Variants in TRAP1 observed in about 807,000 individuals in gnomAD.
TRAP1 encodes the protein TNF receptor associated protein 1.
TRAP1 carries 102 observed loss-of-function variants against 89.1 expected under a neutral mutation model. The ratio of observed to expected loss-of-function variants is 1.15; its 90% confidence interval spans 0.98 to 1.35. The LOEUF is 1.35. Among genes scored for constraint, TRAP1 ranks in the 40% most tolerant of loss-of-function variants. TRAP1 has a pLI of 0.00. For synonymous variants in TRAP1, 508 were observed against 388.0 expected (o/e 1.31, Z -3.64); for missense variants, 1,256 against 945.3 (o/e 1.33, Z -4.31).
chr16:3,669,975 A>T (rs1208775942), intron 11 of TRAP1, among the ~76,000 whole-genome samples: 1 of 152,132 alleles, frequency 6.6e-6, no homozygotes, highest in Non-Finnish European at 1.5e-5. Flanking sequence ...CATCCCTGTG[A>T]TGTCCCATGA....
chr16:3,662,717 G>A (rs183621956), intron 15 of TRAP1, 165 bp downstream of exon 15: 22 of 718,606 alleles, frequency 3.1e-5, no homozygotes, highest in African/African-American at 1.6e-4. Flanking sequence ...CGGCACTCCC[G>A]AGCAACACGT....
Position 3,690,967 on chromosome 16 carries a change from G to C in TRAP1, c.107C>G (p.Pro36Arg), listed in dbSNP as rs755746414. Residue 36 changes from proline to arginine, a missense_variant, in exon 2 of 18, where the codon CCT becomes CGT. Transcript: ENST00000246957. ...AVPGGKPILC[P>R]RRTTAQLGPR... is the part of the protein sequence containing the mutation. The stretch of plus-strand genomic sequence containing the variant: ...GCCCAACTGGGCTGTGGTCCTCCGA[G>C]GACACAGAATTGGTTTTCCTGAAAA... The C allele has an allele frequency of 1.3e-6, 2 of 1,533,882 alleles. No individual in the cohort carries two copies. The highest frequency in any genetic ancestry group is 2.3e-5 in the Admixed American group (1 of 44,260).
chr16:3,676,569 G>C (rs1463468694), intron 6 of TRAP1: 1 of 156,566 alleles, frequency 6.4e-6, no homozygotes, highest in Non-Finnish European at 1.4e-5. Context: ...GCACAGGAGG[G>C]GGGAATCCCC....
chr16:3,707,446 A>C (rs1179010953), intron 1 of TRAP1, among the ~76,000 whole-genome samples: 1 of 151,276 alleles, frequency 6.6e-6, no homozygotes, highest in East Asian at 2.0e-4. Flanking sequence ...CAGCCTCCCA[A>C]AGTGCTAGGA....
intron 16 of TRAP1, chr16:3,659,156 G>C (rs117512482): frequency 2.8e-4 from 90 of 315,982 alleles, no homozygotes; most frequent in Middle Eastern, 1.9e-3. Context: ...TTGGTTCCTA[G>C]ATAAATAATA....
intron 5 of TRAP1, chr16:3,678,012 G>A (rs916577994): frequency 4.5e-6 from 1 of 223,950 alleles, no homozygotes. Flanking sequence ...AGGAAGGCCA[G>A]GAGTGAGGAG....
chr16:3,717,139 G>C (rs1210663564), intron 1 of TRAP1, among the ~76,000 whole-genome samples: 1 of 152,222 alleles, frequency 6.6e-6, no homozygotes, highest in African/African-American at 2.4e-5. Context: ...CAGGAGGGAC[G>C]ACCCCGCAGC....
chr16:3,706,001 CT>C lies in TRAP1; in HGVS notation c.88+11419del, dbSNP rs35811682. On this transcript the variant is annotated intron_variant, in intron 1 of 17. Coordinates refer to ENST00000246957, the MANE Select transcript of TRAP1 (RefSeq NM_016292.3). ...AGCCACCAGTCCCGGCCCTTTTTTT[CT>C]TTTTTTTTTTTTGAGACGGAGTCTC... Among the ~76,000 whole-genome samples, 370 of 141,778 alleles carry C rather than the reference CT, an allele frequency of 2.6e-3. 2 individuals carry two copies. The highest frequency in any genetic ancestry group is 6.0e-3 in the African/African-American group (235 of 39,068). 93.0% of individuals were successfully genotyped at this position (141,778 alleles called of 152,430 possible).
At chr16:3,712,382 A>T (rs1174794020) in intron 1 of TRAP1, among the ~76,000 whole-genome samples, 1 of 150,118 alleles carries the variant, frequency 6.7e-6, no homozygotes, top group Non-Finnish European at 1.5e-5. Context: ...CTTTCATGGA[A>T]CTCACCTTTG....
chr16:3,691,092 T>G, intron 1 of TRAP1, 107 bp from the exon 2 acceptor site: 52 of 1,079,350 alleles, frequency 4.8e-5, no homozygotes, highest in Middle Eastern at 2.2e-4. Flanking sequence ...TGGACATCTC[T>G]AAGTCGGGCT....
intron 1 of TRAP1, among the ~76,000 whole-genome samples, chr16:3,695,578 A>C (rs986211788): frequency 3.3e-5 from 5 of 151,972 alleles, no homozygotes; most frequent in Non-Finnish European, 4.4e-5. Flanking sequence ...AGAAAAAGAA[A>C]CCGTGAAAAC....
chr16:3,703,385 G>A (rs755925821), intron 1 of TRAP1, among the ~76,000 whole-genome samples: 2 of 151,802 alleles, frequency 1.3e-5, no homozygotes, highest in Non-Finnish European at 2.9e-5. Flanking sequence ...GGATTATAGA[G>A]AAATGGGACA....
At position 3,690,839 on chromosome 16, in the gene TRAP1, C is replaced by A; in HGVS notation, c.235G>T (p.Glu79Ter). The A allele has an allele frequency of 6.6e-7, 1 of 1,522,004 alleles. No individual in the cohort carries two copies. The highest frequency in any genetic ancestry group is 1.3e-5 in the South Asian group (1 of 78,506). The allele number at this position is 1,522,004 out of a possible 1,614,324, so 94.3% of individuals were successfully genotyped here. ...GAGCCAAGGCTACCCTGCACGCTCT[C>A]TGTGCTGCTGATAATCGAGTGCAGG... ...EPLHSIISST[E>*]SVQGSTSKHE... The change falls in exon 2 of 18, where the codon GAG becomes TAG. Residue 79 changes from glutamate to a stop codon, truncating the protein, a stop_gained. Coordinates refer to ENST00000246957, the MANE Select transcript of TRAP1 (RefSeq NM_016292.3). LOFTEE classifies it high-confidence loss of function.
chr16:3,675,640 T>A (rs921043658), intron 7 of TRAP1, among the ~76,000 whole-genome samples: 1 of 152,190 alleles, frequency 6.6e-6, no homozygotes. Context: ...GACTGCAATG[T>A]CAGCTTGTGG....
chr16:3,675,799 A>G (rs2050983250), intron 7 of TRAP1, among the ~76,000 whole-genome samples: 1 of 152,218 alleles, frequency 6.6e-6, no homozygotes, highest in African/African-American at 2.4e-5. Flanking sequence ...GGCCACGCAG[A>G]GGAAGGAGGA....
intron 11 of TRAP1, among the ~76,000 whole-genome samples, chr16:3,668,612 ACT>A (rs987572787): frequency 2.0e-5 from 3 of 151,874 alleles, no homozygotes; most frequent in Admixed American, 6.6e-5. Context: ...ATTTCGGCTG[ACT>A]CTTTTCTGAT....
intron 4 of TRAP1, among the ~76,000 whole-genome samples, chr16:3,685,590 C>T (rs941969624): frequency 6.6e-5 from 10 of 152,122 alleles, no homozygotes; most frequent in African/African-American, 2.4e-4. Flanking sequence ...AACTTTTCAG[C>T]CTTAAAATTT....
intron 12 of TRAP1, 105 bp from the exon 13 acceptor site, chr16:3,664,564 C>G (rs2050783254): frequency 2.3e-6 from 3 of 1,279,204 alleles, no homozygotes; most frequent in Non-Finnish European, 3.2e-6. Flanking sequence ...CCTGGCACTC[C>G]AGGCTGGCCC....
rs1204849760 is a variant in TRAP1 at position 3,662,199 on chromosome 16, C to A, written c.1795-67G>T. The A allele has an allele frequency of 4.5e-6, 7 of 1,559,434 alleles. No individual in the cohort carries two copies. In the South Asian group the frequency reaches 7.2e-5, roughly 16 times the overall value. ...ATGTGAGAGGGCTGGCAGGATCTTA[C>A]CAGGGGTGAAGGTCACCCAGACCAC... On this transcript the variant is annotated intron_variant, in intron 15 of 17. Transcript: ENST00000246957.
Sources: gnomAD v4.1 joint callset for allele counts (sites outside exome capture counted in the v4.1 genomes callset) on GRCh38, gnomAD v4.1.1 for gene constraint, MANE v1.5 for transcripts, NCBI Gene and HGNC (gene_info 2026-07-23, HGNC 2026-07-21) for gene names.